Variants in HACL2 observed in about 807,000 individuals in gnomAD.
The protein encoded by HACL2 is 2-hydroxyacyl-CoA lyase 1 like.
At chr19:15,122,106 C>G in the HACL2 span, among the ~76,000 whole-genome samples, 1 of 151,326 alleles carries the variant, frequency 6.6e-6, no homozygotes, top group East Asian at 2.0e-4. This position sits in a 1 kb window ranked among gnomAD's most constrained non-coding sequence, Gnocchi z 4.0. Context: ...GGGGTTTCAC[C>G]ATGTTAGCCA....
chr19:15,120,793 C>A, the HACL2 span, among the ~76,000 whole-genome samples: 1 of 152,112 alleles, frequency 6.6e-6, no homozygotes, highest in African/African-American at 2.4e-5. Context: ...AGGATGGAAC[C>A]GTGGGAAGCC....
chr19:15,119,054 G>T, the HACL2 span: 1 of 1,213,124 alleles, frequency 8.2e-7, no homozygotes, highest in Non-Finnish European at 1.1e-6. Context: ...GTGAAAATGT[G>T]TATCAAGTAC....
chr19:15,116,692 G>T, the HACL2 span: 2 of 600,460 alleles, frequency 3.3e-6, no homozygotes, highest in South Asian at 4.2e-5. Flanking sequence ...GAACCTGCCA[G>T]AACCAGGGGA....
At chr19:15,116,230 C>T in the HACL2 span, 51 of 1,613,866 alleles carry the variant, frequency 3.2e-5, no homozygotes, top group Non-Finnish European at 4.1e-5. Context: ...CCATCCACCA[C>T]CAGAATTGAG....
chr19:15,117,394 C>G, the HACL2 span: 1 of 157,252 alleles, frequency 6.4e-6, no homozygotes, highest in South Asian at 1.9e-4. Context: ...TCTATCAGGC[C>G]GGGCGCAGTA....
At chr19:15,121,426 G>A in the HACL2 span, among the ~76,000 whole-genome samples, 2 of 152,120 alleles carry the variant, frequency 1.3e-5, no homozygotes, top group South Asian at 4.1e-4. Flanking sequence ...GTATGGAAAG[G>A]AAGGGCCAAG....
At chr19:15,119,356 A>C in the HACL2 span, 1 of 1,608,592 alleles carries the variant, frequency 6.2e-7, no homozygotes, top group Non-Finnish European at 8.5e-7. Flanking sequence ...CCGCCTCCCC[A>C]AGAGCACCCG....
chr19:15,122,897 G>A, the HACL2 span: 23 of 1,610,470 alleles, frequency 1.4e-5, no homozygotes, highest in African/African-American at 1.6e-4. The surrounding 1 kb of genome is among the most constrained non-coding windows in gnomAD (Gnocchi z 4.0). Flanking sequence ...CCTACCTGGG[G>A]TGCCCGACTG....
the HACL2 span, chr19:15,125,087 C>A: frequency 6.7e-7 from 1 of 1,500,770 alleles, no homozygotes; most frequent in African/African-American, 1.4e-5. Flanking sequence ...AGAAAGGGCA[C>A]TTCCCAGACT....
the HACL2 span, chr19:15,116,431 G>T: frequency 1.2e-6 from 2 of 1,613,848 alleles, no homozygotes; most frequent in East Asian, 4.5e-5. Context: ...CCTTCTGCCG[G>T]TCGGCTTCCC....
chr19:15,123,635 A>C, the HACL2 span: 1 of 1,518,444 alleles, frequency 6.6e-7, no homozygotes, highest in Non-Finnish European at 9.1e-7. The surrounding 1 kb of genome is among the most constrained non-coding windows in gnomAD (Gnocchi z 5.1). Flanking sequence ...GGCAGCTGGG[A>C]AAGGGGGCAA....
At chr19:15,123,194 C>A in the HACL2 span, 1 of 1,614,012 alleles carries the variant, frequency 6.2e-7, no homozygotes, top group African/African-American at 1.3e-5. The surrounding 1 kb of genome is among the most constrained non-coding windows in gnomAD (Gnocchi z 5.1). Context: ...CCGCAGTCAC[C>A]GTGTTGGTGA....
the HACL2 span, chr19:15,116,716 G>A: frequency 3.1e-5 from 18 of 582,854 alleles, no homozygotes; most frequent in Non-Finnish European, 5.5e-5. Flanking sequence ...CAGCCCAGGT[G>A]AAAAGGGAAG....
chr19:15,119,529 TG>T, the HACL2 span: 3 of 1,608,136 alleles, frequency 1.9e-6, no homozygotes, highest in Non-Finnish European at 2.6e-6. Context: ...GAGCGAGAGG[TG>T]GGGATCAAAG....
the HACL2 span, chr19:15,115,737 A>G: frequency 6.3e-7 from 1 of 1,577,722 alleles, no homozygotes; most frequent in Middle Eastern, 1.7e-4. Flanking sequence ...CAGAGGACAG[A>G]GACAGGGATA....
the HACL2 span, chr19:15,119,833 G>T: frequency 1.6e-6 from 1 of 616,066 alleles, no homozygotes; most frequent in Non-Finnish European, 2.9e-6. Flanking sequence ...TTGCTGCTGT[G>T]AGCCACCGCG....
chr19:15,115,759 A>C, the HACL2 span: 1 of 1,562,106 alleles, frequency 6.4e-7, no homozygotes, highest in Non-Finnish European at 8.8e-7. Context: ...GGCCTCTGCC[A>C]GAGAGGAGGC....
the HACL2 span, chr19:15,115,429 A>G: frequency 1.2e-6 from 2 of 1,613,148 alleles, no homozygotes; most frequent in Admixed American, 3.3e-5. Flanking sequence ...CCTTGTGATA[A>G]TCTAAAAGAA....
At chr19:15,115,778 C>G in the HACL2 span, 47 of 1,577,486 alleles carry the variant, frequency 3.0e-5, no homozygotes, top group Admixed American at 7.7e-4. Flanking sequence ...GCTCCCTCCC[C>G]ACCTCAGCCC....
Sources: allele counts gnomAD v4.1 joint callset (sites outside exome capture counted in the v4.1 genomes callset), GRCh38; gene constraint gnomAD v4.1.1; non-coding constraint Gnocchi (gnomAD v3.1); transcripts MANE v1.5; gene names NCBI Gene and HGNC (gene_info 2026-07-23, HGNC 2026-07-21).